DDX54: variants seen among roughly 807,000 people sequenced by gnomAD.
DDX54 encodes the protein ATP-dependent RNA helicase DDX54.
In DDX54, 67 loss-of-function variants were observed where a neutral mutation model predicts 105.5. The ratio of observed to expected loss-of-function variants is 0.64; its 90% CI spans 0.52 to 0.78. The LOEUF (loss-of-function observed/expected upper bound fraction) is 0.78. DDX54 is among the 30% of genes least tolerant of loss of function. DDX54 has a pLI of 0.00. For synonymous variants in DDX54, 514 were observed against 509.9 expected (o/e 1.01, Z -0.11); for missense variants, 1,206 against 1,230.5 (o/e 0.98, Z 0.30).
In DDX54 at chr12:113,159,153, C is replaced by T. The variant is rs769715056; in HGVS notation, c.2414-44G>A. On this transcript the variant is annotated intron_variant, in intron 19 of 19. Coordinates refer to ENST00000306014, the MANE Select transcript of DDX54 (RefSeq NM_024072.4). ...AGGGAGCTCAGCTGTTGGGATCACT[C>T]CCAAGATCCCCTCCTCCCAGAAGCT... is the stretch of plus-strand genomic sequence containing the variant. The T allele has an allele frequency of 2.0e-6, 3 of 1,528,786 alleles. No homozygotes were observed. In the Admixed American group the frequency reaches 5.7e-5, roughly 29 times the overall value. 94.7% of individuals were successfully genotyped at this position (1,528,786 alleles called of 1,614,324 possible). A position where few individuals can be genotyped will look rare whatever the true frequency, so the allele number is the denominator to read the frequency against.
chr12:113,182,718 G>A (rs778166422), intron 1 of DDX54, among the ~76,000 whole-genome samples: 13 of 150,248 alleles, frequency 8.7e-5, no homozygotes, highest in Middle Eastern at 3.5e-3. Context: ...CCACCAGCCC[G>A]GCTAATTTTT....
chr12:113,161,565 C>A, intron 18 of DDX54, 183 bp from the exon 19 acceptor site: 1 of 588,478 alleles, frequency 1.7e-6, no homozygotes, highest in East Asian at 2.9e-5. Context: ...GCCCCGCCCC[C>A]AGCACCAGGT....
intron 3 of DDX54, 96 bp downstream of exon 3, chr12:113,179,839 G>T: frequency 7.2e-7 from 1 of 1,395,554 alleles, no homozygotes; most frequent in Non-Finnish European, 1.0e-6. Flanking sequence ...GGCAGGAGAT[G>T]TGACAGGTGG....
chr12:113,164,202 G>A lies in DDX54; in HGVS notation c.1803C>T (p.Ile601=), dbSNP rs778394424. The A allele has an allele frequency of 5.7e-6, 9 of 1,578,872 alleles. No homozygotes were observed. Among genetic ancestry groups the A allele is most frequent in the Admixed American group, 1.8e-5 (1 of 54,896 alleles). The part of the protein sequence containing the change: ...RAKRQKDRKA[I]ARFQQGQQGR... ...CCTGCTGTCCCTGCTGGAAGCGGGCGATGGCCTTGCGGTCCTTCTGCCGCT... is the reference window on the plus strand; with the variant it reads ...CCTGCTGTCCCTGCTGGAAGCGGGCAATGGCCTTGCGGTCCTTCTGCCGCT... Residue 601 remains isoleucine (I), a synonymous_variant, in exon 15 of 20, where the codon ATC becomes ATT. Transcript: ENST00000306014.
chr12:113,164,570 T>C (rs1447537426), intron 14 of DDX54, among the ~76,000 whole-genome samples: 1 of 151,970 alleles, frequency 6.6e-6, no homozygotes, highest in Non-Finnish European at 1.5e-5. Context: ...AAAAATTAGC[T>C]AGGTGTGGTG....
At chr12:113,161,457 GA>G in intron 18 of DDX54, 75 bp from the exon 19 acceptor site, 4 of 1,211,506 alleles carry the variant, frequency 3.3e-6, no homozygotes, top group Non-Finnish European at 4.7e-6. Flanking sequence ...TGCCCCAGCA[GA>G]CAGAGTTCCG....
At position 113,177,077 on chromosome 12, in the gene DDX54, C is replaced by A; in HGVS notation, c.631G>T (p.Ala211Ser). The change falls in exon 6 of 20, where the codon GCA becomes TCA. Residue 211 changes from alanine (A) to serine (S), a missense_variant. Coordinates refer to ENST00000306014, the MANE Select transcript of DDX54 (RefSeq NM_024072.4). ...LGGDRMEDQF[A>S]ALHENPDIII... ...ATGTCGGGATTTTCGTGCAGGGCTG[C>A]AAACTGGTCTTCCATCCTAGAGAGG... The A allele has an allele frequency of 5.0e-6, 8 of 1,614,078 alleles. No individual in the cohort carries two copies. Among genetic ancestry groups the A allele is most frequent in the Non-Finnish European group, 5.9e-6 (7 of 1,179,994 alleles).
rs1449747900 is a variant in DDX54, at chr12:113,164,182, T to C, written c.1823A>G (p.Gln608Arg). ...CTCCTGCTGCTCCTGCCGCCCCTGCTGTCCCTGCTGGAAGCGGGCGATGGC... is the reference window on the plus strand; with the variant it reads ...CTCCTGCTGCTCCTGCCGCCCCTGCCGTCCCTGCTGGAAGCGGGCGATGGC... The part of the protein sequence containing the change: ...RKAIARFQQG[Q>R]QGRQEQQEGP... Residue 608 changes from glutamine to arginine, a missense_variant, in exon 15 of 20, where the codon CAG becomes CGG. Physicochemically the swap from Gln to Arg is conservative, Grantham distance 43. This residue lies in a region of DDX54 where 961 missense variants were observed against 1,019.1 expected (regional missense o/e 0.94). Coordinates refer to ENST00000306014, the MANE Select transcript of DDX54 (RefSeq NM_024072.4). 5.7e-6 allele frequency: 9 copies of C among 1,565,882 alleles called. No individual in the cohort carries two copies. The highest frequency in any genetic ancestry group is 5.7e-5 in the Admixed American group (3 of 52,772).
intron 17 of DDX54, among the ~76,000 whole-genome samples, chr12:113,162,245 G>T (rs565792202): frequency 2.6e-5 from 4 of 152,156 alleles, no homozygotes; most frequent in Non-Finnish European, 5.9e-5. Context: ...CCAGCACTGG[G>T]GCCTGGCTCA....
intron 1 of DDX54, 46 bp from the exon 2 acceptor site, chr12:113,181,104 G>T: frequency 6.3e-7 from 1 of 1,583,634 alleles, no homozygotes; most frequent in Non-Finnish European, 8.6e-7. Context: ...GGCACAGTGG[G>T]ACCACAGGGG....
chr12:113,179,281 C>G lies in DDX54; in HGVS notation c.426G>C (p.Thr142=), dbSNP rs189161695. 6.2e-7 allele frequency: 1 copy of G among 1,613,996 alleles called. No individual in the cohort carries two copies. The highest frequency in any genetic ancestry group is 1.1e-5 in the South Asian group (1 of 91,078). Residue 142 remains threonine (T), a synonymous_variant, in exon 4 of 20, where the codon ACG becomes ACC. Transcript: ENST00000306014. ...DGKDVVAMAR[T]GSGKTACFLL... is the part of the protein sequence containing the mutation. ...GGAAGCAGGCTGTCTTGCCACTGCC[C>G]GTCCGGGCCATGGCCACCACGTCCT... is the stretch of plus-strand genomic sequence containing the variant.
chr12:113,179,944 G>T lies in DDX54; in HGVS notation c.366C>A (p.Ile122=), dbSNP rs769895268. ...CCGCCCCACCCCTCACCTTCCTCTG[G>T]ATGGGTGTTGGCACCTTGTACCCCT... ...MKKGYKVPTP[I]QRKTIPVILD... Residue 122 remains isoleucine, a synonymous_variant, in exon 3 of 20, where the codon ATC becomes ATA. Transcript: ENST00000306014. 3 of 1,614,004 alleles carry T rather than the reference G, an allele frequency of 1.9e-6. No individual in the cohort carries two copies. The highest frequency in any genetic ancestry group is 2.5e-6 in the Non-Finnish European group (3 of 1,180,028).
chr12:113,170,337 A>G (rs890076694), intron 11 of DDX54, among the ~76,000 whole-genome samples: 3 of 152,178 alleles, frequency 2.0e-5, no homozygotes, highest in Non-Finnish European at 4.4e-5. Flanking sequence ...TCAGGAAAAG[A>G]GTGGGCAAAC....
At chr12:113,171,615 A>G (rs1048804696) in intron 11 of DDX54, among the ~76,000 whole-genome samples, 27 of 151,310 alleles carry the variant, frequency 1.8e-4, no homozygotes, top group African/African-American at 6.3e-4. Context: ...AAAAAAAAAA[A>G]GTTTTGGGGA....
chr12:113,177,954 C>T (rs1952423895), intron 5 of DDX54, among the ~76,000 whole-genome samples: 3 of 152,192 alleles, frequency 2.0e-5, no homozygotes, highest in Non-Finnish European at 4.4e-5. Context: ...TAACAGCCCA[C>T]AGCCAGGCGT....
rs1189248436 is a variant in DDX54, at chr12:113,180,071, T to C, written c.305-66A>G. 1.2e-5 allele frequency: 18 copies of C among 1,484,528 alleles called. No individual in the cohort carries two copies. The East Asian group carries it at 2.9e-4, about 24-fold the overall frequency. 92.0% of individuals were successfully genotyped at this position (1,484,528 alleles called of 1,614,324 possible). A position where few individuals can be genotyped will look rare whatever the true frequency, so the allele number is the denominator to read the frequency against. On this transcript the variant is annotated intron_variant, in intron 2 of 19. Transcript: ENST00000306014. ...CCACAGCACCAACCCCAGAGAACTT[T>C]ACAGGACAAATGACAGCTTCATCAA...
At chr12:113,165,493 A>G (rs899776557) in intron 14 of DDX54, 151 bp downstream of exon 14, 1 of 790,392 alleles carries the variant, frequency 1.3e-6, no homozygotes, top group Non-Finnish European at 1.9e-6. Context: ...GCTCAGATGA[A>G]AATCCCTGCT....
In DDX54 at chr12:113,161,276, C is replaced by T. The variant is rs116150151; in HGVS notation, c.2407G>A (p.Gly803Ser). 2.1e-3 allele frequency: 3,375 copies of T among 1,611,696 alleles called. 59 individuals are homozygous for T. In the African/African-American group the frequency reaches 0.037, roughly 18 times the overall value. The change falls in exon 19 of 20, where the codon GGC becomes AGC. Residue 803 changes from glycine (G) to serine (S), a missense_variant. Transcript: ENST00000306014. The stretch of plus-strand genomic sequence containing the variant: ...TCCCCACCCTGGCTCTCACCTTGGC[C>T]ACGGTCTCGCTTCCCACCTCTTCGC... ...PERRGGKRDR[G>S]QGASRPHAPG... is the part of the protein sequence containing the mutation.
intron 10 of DDX54, 26 bp downstream of exon 10, chr12:113,174,614 C>G (rs1320048430): frequency 6.2e-7 from 1 of 1,604,230 alleles, no homozygotes; most frequent in Non-Finnish European, 8.5e-7. Context: ...GAAGGAGGTG[C>G]TCCTCCCACT....
Sources: gnomAD v4.1 joint callset for allele counts (sites outside exome capture counted in the v4.1 genomes callset) on GRCh38, gnomAD v4.1.1 for gene constraint, gnomAD v4.1.1 regional missense constraint, MANE v1.5 for transcripts, NCBI Gene and HGNC (gene_info 2026-07-23, HGNC 2026-07-21) for gene names.